SMPX: variants seen among roughly 807,000 people sequenced by gnomAD.
SMPX encodes small muscular protein.
SMPX carries 2 observed loss-of-function variants against 6.3 expected under a neutral mutation model. The observed-to-expected ratio is 0.32, with a 90% CI of 0.13 to 0.99. The LOEUF (loss-of-function observed/expected upper bound fraction) is 0.99. Ranked by LOEUF, SMPX falls within the 50% of genes least tolerant of loss-of-function variation. The pLI, the probability that SMPX is intolerant of heterozygous loss-of-function variation, is 0.49. For synonymous variants in SMPX, 32 were observed against 24.7 expected (o/e 1.30, Z -0.88); for missense variants, 60 against 66.8 (o/e 0.90, Z 0.36).
intron 3 of SMPX, 94 bp downstream of exon 3, chrX:21,743,656 T>G (rs1464263735): frequency 8.4e-6 from 6 of 711,722 alleles, no homozygotes; most frequent in Non-Finnish European, 9.0e-6. Context: ...TCCCTTGTCC[T>G]GGATAGCCAG....
intron 4 of SMPX, among the ~76,000 whole-genome samples, chrX:21,728,961 T>C (rs2092800458): frequency 8.9e-6 from 1 of 112,459 alleles, no homozygotes; most frequent in Non-Finnish European, 1.9e-5. Flanking sequence ...GACATTGATA[T>C]TGATGCTGGT....
intron 4 of SMPX, among the ~76,000 whole-genome samples, chrX:21,725,857 C>A (rs1168655664): frequency 8.9e-6 from 1 of 111,832 alleles, no homozygotes; most frequent in Admixed American, 9.5e-5. Flanking sequence ...TCTTCATATT[C>A]GCTGGGGAAA....
chrX:21,755,105 G>A (rs1307491765), intron 1 of SMPX, among the ~76,000 whole-genome samples: 1 of 112,808 alleles, frequency 8.9e-6, no homozygotes, highest in East Asian at 2.8e-4. Context: ...AGTGACTAGA[G>A]CACATTAGGG....
chrX:21,715,367 C>T (rs999386174), intron 4 of SMPX, among the ~76,000 whole-genome samples: 2 of 109,848 alleles, frequency 1.8e-5, no homozygotes, highest in African/African-American at 6.7e-5. Context: ...GGTGTTCAAA[C>T]GTGGCTGCAC....
At chrX:21,728,119 G>A (rs1382092462) in intron 4 of SMPX, among the ~76,000 whole-genome samples, 1 of 110,378 alleles carries the variant, frequency 9.1e-6, no homozygotes, top group African/African-American at 3.3e-5. Context: ...AGTTTTGTCA[G>A]CACTGGGCAA....
chrX:21,722,242 G>C (rs1239329508), intron 4 of SMPX, among the ~76,000 whole-genome samples: 2 of 112,155 alleles, frequency 1.8e-5, no homozygotes, highest in African/African-American at 3.2e-5. Context: ...GACTTGAAAA[G>C]TGTTCAAATT....
In SMPX at chrX:21,737,578, G is replaced by A; in HGVS notation, c.252C>T (p.Pro84=). ...TTTCTTCCTACTACTGTTCAGCTTT[G>A]GGGACATATTTTAGTTCACTTTTAA... is the stretch of plus-strand genomic sequence containing the variant. ...QNIKSELKYV[P]KAEQ The change falls in exon 4 of 5, where the codon CCC becomes CCT. Residue 84 remains proline (P), a synonymous_variant. Coordinates refer to ENST00000379494, the MANE Select transcript of SMPX (RefSeq NM_014332.3). The A allele has an allele frequency of 4.1e-6, 5 of 1,206,786 alleles. No individual in the cohort carries two copies. The highest frequency in any genetic ancestry group is 5.6e-6 in the Non-Finnish European group (5 of 891,285).
chrX:21,725,420 CT>C (rs1405004472), intron 4 of SMPX, among the ~76,000 whole-genome samples: 2 of 112,461 alleles, frequency 1.8e-5, no homozygotes, highest in Non-Finnish European at 3.7e-5. Context: ...CATTGTTTGA[CT>C]TTTCTTTGAG....
intron 2 of SMPX, among the ~76,000 whole-genome samples, chrX:21,751,142 C>G (rs2092827081): frequency 8.9e-6 from 1 of 112,247 alleles, no homozygotes. Context: ...GAAGTTCGCA[C>G]TGCAAAACAC....
chrX:21,755,954 G>T (rs1364467072), intron 1 of SMPX, among the ~76,000 whole-genome samples: 1 of 112,428 alleles, frequency 8.9e-6, no homozygotes, highest in Non-Finnish European at 1.9e-5. Context: ...CAAATAGATT[G>T]CTGTCTTTCC....
chrX:21,745,676 C>G (rs1339217684), intron 2 of SMPX, among the ~76,000 whole-genome samples: 1 of 111,573 alleles, frequency 9.0e-6, no homozygotes, highest in African/African-American at 3.3e-5. Flanking sequence ...AATCAATATA[C>G]GGACTATTTG....
chrX:21,747,650 A>G (rs1223073219), intron 2 of SMPX, among the ~76,000 whole-genome samples: 1 of 111,249 alleles, frequency 9.0e-6, no homozygotes, highest in Non-Finnish European at 1.9e-5. Flanking sequence ...GGATTCTGAG[A>G]GCTGCCAGCC....
At chrX:21,708,592 T>C (rs754254475) in intron 4 of SMPX, among the ~76,000 whole-genome samples, 1 of 112,083 alleles carries the variant, frequency 8.9e-6, no homozygotes, top group South Asian at 3.8e-4. Flanking sequence ...GTCCCGACTT[T>C]AGGGCTGTTT....
chrX:21,732,176 C>T (rs907614136), intron 4 of SMPX, among the ~76,000 whole-genome samples: 23 of 111,253 alleles, frequency 2.1e-4, no homozygotes, highest in African/African-American at 5.6e-4. Context: ...TATGTTCTCC[C>T]GTATCAGAGA....
chrX:21,726,167 G>A (rs973491123), intron 4 of SMPX, among the ~76,000 whole-genome samples: 4 of 111,903 alleles, frequency 3.6e-5, no homozygotes, highest in African/African-American at 6.5e-5. Flanking sequence ...AGTGGAGGAC[G>A]GGTGTGTCCC....
At chrX:21,707,554 C>T in intron 4 of SMPX, among the ~76,000 whole-genome samples, 1 of 112,504 alleles carries the variant, frequency 8.9e-6, no homozygotes, top group Non-Finnish European at 1.9e-5. Context: ...CCTCTCCCTA[C>T]TACCATGTAA....
chrX:21,727,073 A>T (rs745790301), intron 4 of SMPX, among the ~76,000 whole-genome samples: 3 of 112,741 alleles, frequency 2.7e-5, no homozygotes, highest in Non-Finnish European at 3.7e-5. Flanking sequence ...GTTGTCTTGT[A>T]TCACCTATTT....
intron 4 of SMPX, among the ~76,000 whole-genome samples, chrX:21,734,514 A>T (rs2092808435): frequency 9.0e-6 from 1 of 111,493 alleles, no homozygotes; most frequent in Admixed American, 9.5e-5. Context: ...TGGTTCTTGG[A>T]CTTTCTTAAG....
chrX:21,752,340 C>T (rs964126315), intron 2 of SMPX, among the ~76,000 whole-genome samples: 3 of 111,433 alleles, frequency 2.7e-5, no homozygotes, highest in Non-Finnish European at 5.7e-5. Context: ...ACTGTTTTTG[C>T]ATCCTGCAAA....
Sources: gnomAD v4.1 joint callset for allele counts (sites outside exome capture counted in the v4.1 genomes callset) on GRCh38, gnomAD v4.1.1 for gene constraint, MANE v1.5 for transcripts, NCBI Gene and HGNC (gene_info 2026-07-23, HGNC 2026-07-21) for gene names.